Variants in GRIA3 observed in about 807,000 individuals in gnomAD.
GRIA3 encodes the protein glutamate ionotropic receptor AMPA type subunit 3.
GRIA3 carries 3 observed loss-of-function variants against 63.0 expected under a neutral mutation model. That is an observed-to-expected ratio of 0.05 (90% CI 0.02 to 0.12). GRIA3 has a LOEUF of 0.12. GRIA3 is among the 10% of genes least tolerant of loss of function. GRIA3 has a pLI of 1.00. For missense variants in GRIA3, 347 were observed against 700.9 expected (o/e 0.50, Z 5.70); for synonymous variants, 274 against 257.9 (o/e 1.06, Z -0.60).
intron 3 of GRIA3, among the ~76,000 whole-genome samples, chrX:123,311,383 A>G (rs984135766): frequency 1.8e-5 from 2 of 112,148 alleles, no homozygotes; most frequent in Admixed American, 1.9e-4. Context: ...CCAAGCATGT[A>G]CCAATAATAA....
intron 2 of GRIA3, among the ~76,000 whole-genome samples, chrX:123,240,901 G>A (rs1308726451): frequency 9.0e-6 from 1 of 111,569 alleles, no homozygotes; most frequent in Non-Finnish European, 1.9e-5. Context: ...GAAGAAAATT[G>A]TTCCAGTTAT....
chrX:123,426,587 T>G (rs2045590967), intron 11 of GRIA3, among the ~76,000 whole-genome samples: 1 of 112,135 alleles, frequency 8.9e-6, no homozygotes, highest in Admixed American at 9.5e-5. Context: ...GAATCACTGA[T>G]GTAGAAGAAC....
intron 12 of GRIA3, among the ~76,000 whole-genome samples, chrX:123,444,973 C>T (rs2045695609): frequency 1.8e-5 from 2 of 111,117 alleles, no homozygotes; most frequent in Admixed American, 1.9e-4. Flanking sequence ...TTCCAATTCT[C>T]AAGCAGGAGA....
intron 5 of GRIA3, among the ~76,000 whole-genome samples, chrX:123,381,513 G>T (rs763356035): frequency 1.8e-5 from 2 of 111,942 alleles, no homozygotes; most frequent in South Asian, 7.5e-4. Context: ...ATTATGGAAA[G>T]GAGTAATGTC....
intron 4 of GRIA3, among the ~76,000 whole-genome samples, chrX:123,343,641 G>C (rs1366140771): frequency 9.1e-6 from 1 of 109,686 alleles, no homozygotes; most frequent in East Asian, 2.8e-4. Context: ...TTCAGAGACA[G>C]AGAGAGAGAG....
rs144109094 is a variant in GRIA3, at chrX:123,455,957, G to A, written c.2077-8908G>A. The stretch of plus-strand genomic sequence containing the variant: ...TTCTGTATTGGAGACTCTTCAAGGT[G>A]GAGTTCTGGTTAGGCCTTATTTGGA... On this transcript the variant is annotated intron_variant, in intron 12 of 15. Transcript: ENST00000620443. Among the ~76,000 whole-genome samples the A allele has an allele frequency of 1.6e-4, 18 of 111,467 alleles. No individual in the cohort carries two copies. The East Asian group carries it at 4.8e-3, about 30-fold the overall frequency.
chrX:123,188,431 T>C (rs1346299118), intron 2 of GRIA3, among the ~76,000 whole-genome samples: 1 of 111,581 alleles, frequency 9.0e-6, no homozygotes, highest in Non-Finnish European at 1.9e-5. Context: ...AATTGTTCTT[T>C]TTCTTGTGGA....
intron 12 of GRIA3, among the ~76,000 whole-genome samples, chrX:123,460,607 T>C (rs2045787052): frequency 8.9e-6 from 1 of 111,979 alleles, no homozygotes; most frequent in Non-Finnish European, 1.9e-5. Context: ...GTATCGTGGT[T>C]ACTTTTGGCG....
At chrX:123,283,099 C>T (rs1254350951) in intron 3 of GRIA3, among the ~76,000 whole-genome samples, 1 of 111,460 alleles carries the variant, frequency 9.0e-6, no homozygotes, top group Non-Finnish European at 1.9e-5. Context: ...GAAAGGCGAG[C>T]CAAAGCAGGG....
At chrX:123,211,655 C>T (rs1014474483) in intron 2 of GRIA3, among the ~76,000 whole-genome samples, 1 of 111,996 alleles carries the variant, frequency 8.9e-6, no homozygotes, top group Non-Finnish European at 1.9e-5. Context: ...CTTAACTAGC[C>T]ATGATATACT....
intron 2 of GRIA3, among the ~76,000 whole-genome samples, chrX:123,241,518 C>T (rs1025537785): frequency 2.7e-5 from 3 of 110,640 alleles, no homozygotes; most frequent in Non-Finnish European, 3.8e-5. Flanking sequence ...CCATGCCATA[C>T]TCAGCAGCAC....
At chrX:123,374,888 T>C (rs2045274181) in intron 5 of GRIA3, among the ~76,000 whole-genome samples, 2 of 112,211 alleles carry the variant, frequency 1.8e-5, no homozygotes, top group African/African-American at 6.5e-5. Flanking sequence ...TCCAACACTA[T>C]GTTGAATAGG....
intron 3 of GRIA3, among the ~76,000 whole-genome samples, chrX:123,304,304 TC>T (rs2044742087): frequency 9.0e-6 from 1 of 111,621 alleles, no homozygotes; most frequent in South Asian, 3.8e-4. Context: ...CCCTTCCTCC[TC>T]CCTTTACAAT....
chrX:123,444,730 T>A (rs184500686), intron 12 of GRIA3, among the ~76,000 whole-genome samples: 26 of 111,283 alleles, frequency 2.3e-4, no homozygotes, highest in Middle Eastern at 4.7e-3. Context: ...TGGTAGATAG[T>A]ACCCAGACTG....
chrX:123,379,537 G>C (rs1228671908), intron 5 of GRIA3, among the ~76,000 whole-genome samples: 1 of 105,916 alleles, frequency 9.4e-6, no homozygotes, highest in Non-Finnish European at 1.9e-5. Context: ...ATTAGTTATT[G>C]TATTAAATCT....
intron 12 of GRIA3, among the ~76,000 whole-genome samples, chrX:123,456,034 G>A (rs1348700429): frequency 2.7e-5 from 3 of 111,782 alleles, no homozygotes; most frequent in Non-Finnish European, 1.9e-5. Context: ...TACTGAGGGG[G>A]TAGATTCATG....
chrX:123,471,882 T>G (rs1186237224), intron 13 of GRIA3, among the ~76,000 whole-genome samples: 2 of 102,618 alleles, frequency 1.9e-5, no homozygotes, highest in African/African-American at 7.1e-5. Flanking sequence ...TCCCCATTGA[T>G]CAGAAGTGGC....
chrX:123,326,242 C>T (rs769643586), intron 4 of GRIA3, 29 bp downstream of exon 4: 2 of 1,131,148 alleles, frequency 1.8e-6, no homozygotes, highest in Non-Finnish European at 2.4e-6. Flanking sequence ...TCACCGCCAG[C>T]CAACATGTTA....
At chrX:123,283,335 G>A (rs1394029141) in intron 3 of GRIA3, among the ~76,000 whole-genome samples, 1 of 111,587 alleles carries the variant, frequency 9.0e-6, no homozygotes, top group Non-Finnish European at 1.9e-5. Context: ...GGCAGACACC[G>A]AGCTAGCTGC....
Sources: gnomAD v4.1 joint callset for allele counts (sites outside exome capture counted in the v4.1 genomes callset) on GRCh38, gnomAD v4.1.1 for gene constraint, MANE v1.5 for transcripts, NCBI Gene and HGNC (gene_info 2026-07-23, HGNC 2026-07-21) for gene names.